Variants in FHIT observed in about 807,000 individuals in gnomAD.
FHIT encodes the protein bis(5'-adenosyl)-triphosphatase.
Under a neutral mutation model 17.9 loss-of-function variants are expected in FHIT, and 19 were observed. The observed-to-expected ratio is 1.06, with a 90% CI of 0.74 to 1.56. FHIT has a LOEUF of 1.56. FHIT is among the 40% of genes most tolerant of loss of function. FHIT has a pLI of 0.00. For missense variants in FHIT, 248 were observed against 189.2 expected (o/e 1.31, Z -1.82); for synonymous variants, 81 against 69.7 (o/e 1.16, Z -0.81).
chr3:60,964,698 G>A (rs1458688072), intron 3 of FHIT, among the ~76,000 whole-genome samples: 1 of 152,186 alleles, frequency 6.6e-6, no homozygotes, highest in African/African-American at 2.4e-5. Context: ...CTGAAGCTTA[G>A]TTTGGCTGGA....
intron 4 of FHIT, among the ~76,000 whole-genome samples, chr3:60,696,373 T>C (rs2041114741): frequency 6.6e-6 from 1 of 152,210 alleles, no homozygotes; most frequent in Non-Finnish European, 1.5e-5. Flanking sequence ...AAAATCTCAA[T>C]AATTCTAATT....
intron 5 of FHIT, among the ~76,000 whole-genome samples, chr3:60,112,653 G>C (rs1704727937): frequency 6.6e-6 from 1 of 152,166 alleles, no homozygotes; most frequent in Non-Finnish European, 1.5e-5. Flanking sequence ...GGCTAAAAGA[G>C]AATCTGAGAA....
At chr3:60,237,262 A>ATTTTTTTTTTTTTT (rs201958097) in intron 5 of FHIT, among the ~76,000 whole-genome samples, 3 of 124,850 alleles carry the variant, frequency 2.4e-5, no homozygotes, top group Non-Finnish European at 3.3e-5. Context: ...TTGTTTTTCC[A>ATTTTTTTTTTTTTT]TTTTTTTTTT....
At chr3:60,728,931 A>G (rs369913316) in intron 4 of FHIT, among the ~76,000 whole-genome samples, 29 of 152,318 alleles carry the variant, frequency 1.9e-4, no homozygotes, top group South Asian at 6.2e-4. Flanking sequence ...ATCAGTCACA[A>G]CATAATCCTG....
chr3:59,880,889 A>G (rs1463859404), intron 8 of FHIT, among the ~76,000 whole-genome samples: 1 of 152,286 alleles, frequency 6.6e-6, no homozygotes, highest in East Asian at 1.9e-4. Context: ...TTCTCAGACT[A>G]CATGGAATGA....
chr3:59,976,151 A>G (rs1367403183), intron 7 of FHIT, among the ~76,000 whole-genome samples: 1 of 152,078 alleles, frequency 6.6e-6, no homozygotes, highest in Non-Finnish European at 1.5e-5. Flanking sequence ...GGCTCCCAAC[A>G]AGTACTGGAT....
At chr3:60,156,258 G>T (rs1700683935) in intron 5 of FHIT, among the ~76,000 whole-genome samples, 1 of 151,828 alleles carries the variant, frequency 6.6e-6, no homozygotes, top group African/African-American at 2.4e-5. Flanking sequence ...GCTGAGGCAG[G>T]AGAGTTGCTT....
intron 5 of FHIT, among the ~76,000 whole-genome samples, chr3:60,386,934 G>T (rs1559873605): frequency 6.6e-6 from 1 of 152,004 alleles, no homozygotes; most frequent in Non-Finnish European, 1.5e-5. Flanking sequence ...TAGGGTTAAA[G>T]CTGGGATTCT....
intron 3 of FHIT, among the ~76,000 whole-genome samples, chr3:61,026,521 C>G (rs545570805): frequency 6.6e-6 from 1 of 152,204 alleles, no homozygotes; most frequent in African/African-American, 2.4e-5. Context: ...TCATAGAAAT[C>G]TTAAGATTTA....
intron 5 of FHIT, among the ~76,000 whole-genome samples, chr3:60,133,025 T>C (rs990737032): frequency 5.3e-5 from 8 of 152,166 alleles, no homozygotes; most frequent in African/African-American, 1.9e-4. Flanking sequence ...TAGCAGTGAC[T>C]GTACACCTAC....
Position 60,863,910 on chromosome 3 carries a change from G to C in FHIT, c.-110-41899C>G, listed in dbSNP as rs959396183. Among the ~76,000 whole-genome samples the C allele has an allele frequency of 2.6e-5, 4 of 152,264 alleles. No individual in the cohort carries two copies. The South Asian group carries it at 8.3e-4, about 32-fold the overall frequency. On this transcript the variant is annotated intron_variant, in intron 3 of 9. Transcript: ENST00000492590. Reference sequence around the variant, plus strand: ...CCCTTCACAACAAGCCTATGAGACTGTATTAGTCCATTTTCATACTGCTAT... The same window carrying C: ...CCCTTCACAACAAGCCTATGAGACTCTATTAGTCCATTTTCATACTGCTAT...
rs953570620 is a variant in FHIT, at chr3:60,430,289, A to G, written c.103+106571T>C. On this transcript the variant is annotated intron_variant, in intron 5 of 9. Transcript: ENST00000492590. ...TAAGTACCTCTTACTAGCACTTAAC[A>G]CTGTGTCTAAAACACAGTAGCCATT... Among the ~76,000 whole-genome samples, 18 of 152,102 alleles carry G rather than the reference A, an allele frequency of 1.2e-4. 1 individual carries two copies. The highest frequency in any genetic ancestry group is 4.1e-4 in the African/African-American group (17 of 41,440).
At chr3:60,041,853 T>C (rs974572267) in intron 5 of FHIT, among the ~76,000 whole-genome samples, 37 of 152,222 alleles carry the variant, frequency 2.4e-4, no homozygotes, top group Non-Finnish European at 3.7e-4. Flanking sequence ...TACCCATTAT[T>C]ACCAAAAATC....
intron 3 of FHIT, among the ~76,000 whole-genome samples, chr3:60,982,594 G>GT (rs1199441776): frequency 2.0e-5 from 3 of 152,028 alleles, no homozygotes; most frequent in Non-Finnish European, 4.4e-5. Flanking sequence ...CCTCCTCCCC[G>GT]TTTGTACAGA....
At chr3:59,902,767 G>T (rs2107088154) in intron 8 of FHIT, among the ~76,000 whole-genome samples, 1 of 152,258 alleles carries the variant, frequency 6.6e-6, no homozygotes, top group Middle Eastern at 3.4e-3. Flanking sequence ...AACAGAGCAT[G>T]GAATAGTAGT....
chr3:61,088,259 A>G (rs1161834850), intron 2 of FHIT, among the ~76,000 whole-genome samples: 3 of 152,200 alleles, frequency 2.0e-5, no homozygotes, highest in Non-Finnish European at 4.4e-5. Flanking sequence ...TTACTATAAT[A>G]GAAGGGACTC....
intron 5 of FHIT, among the ~76,000 whole-genome samples, chr3:60,074,432 C>G (rs1210986630): frequency 6.6e-6 from 1 of 152,074 alleles, no homozygotes; most frequent in Non-Finnish European, 1.5e-5. Flanking sequence ...ATGTTTTAAA[C>G]TCCTTTGAAG....
chr3:61,113,944 C>A (rs1266404765), intron 2 of FHIT, among the ~76,000 whole-genome samples: 10 of 152,156 alleles, frequency 6.6e-5, no homozygotes, highest in Non-Finnish European at 1.2e-4. Flanking sequence ...CAAAACACAT[C>A]AAACAGGAAA....
At chr3:60,940,968 A>C (rs1553774381) in intron 3 of FHIT, among the ~76,000 whole-genome samples, 1 of 152,202 alleles carries the variant, frequency 6.6e-6, no homozygotes, top group Non-Finnish European at 1.5e-5. Context: ...GTCTGATTTT[A>C]AGCTTTCTAG....
Sources: gnomAD v4.1 joint callset for allele counts (sites outside exome capture counted in the v4.1 genomes callset) on GRCh38, gnomAD v4.1.1 for gene constraint, MANE v1.5 for transcripts, NCBI Gene and HGNC (gene_info 2026-07-23, HGNC 2026-07-21) for gene names.